AHCTF1: variants seen among roughly 807,000 people sequenced by gnomAD.
The protein encoded by AHCTF1 is protein ELYS.
In AHCTF1, 24 loss-of-function variants were observed where a neutral mutation model predicts 248.4. The ratio of observed to expected loss-of-function variants is 0.10; its 90% confidence interval spans 0.07 to 0.14. AHCTF1 has a LOEUF of 0.14. Ranked by LOEUF, AHCTF1 falls within the 10% of genes least tolerant of loss-of-function variation. The pLI is 1.00. For synonymous variants in AHCTF1, 786 were observed against 929.8 expected (o/e 0.85, Z 2.81); for missense variants, 2,206 against 2,636.2 (o/e 0.84, Z 3.57).
At position 246,851,524 on chromosome 1, in the gene AHCTF1, T is replaced by C. The variant is rs1436334794; in HGVS notation, c.4564-82A>G. On this transcript the variant is annotated intron_variant, in intron 32 of 35. Transcript: ENST00000648844. ...GAAGCACACAGGTTTTTGATGACCC[T>C]TGGCTGTGTGCCTTTTAAAACATAA... The C allele has an allele frequency of 7.1e-6, 9 of 1,263,902 alleles. No individual in the cohort carries two copies. The Admixed American group carries it at 2.2e-4, about 31-fold the overall frequency. 78.3% of individuals were successfully genotyped at this position (1,263,902 alleles called of 1,614,324 possible).
chr1:246,880,316 G>C (rs1422860871), intron 21 of AHCTF1, among the ~76,000 whole-genome samples: 1 of 151,726 alleles, frequency 6.6e-6, no homozygotes. Context: ...TGTAATCCCA[G>C]CACTTTGGGA....
Position 246,850,355 on chromosome 1 carries a change from C to T in AHCTF1, c.5651G>A (p.Ser1884Asn). The change falls in exon 33 of 36, where the codon AGT becomes AAT. Residue 1884 changes from serine to asparagine, a missense_variant. Coordinates refer to ENST00000648844, the MANE Select transcript of AHCTF1 (RefSeq NM_001323342.2). Reference sequence around the variant, plus strand: ...TTTTAGATCATTTATAATTTCAACACTTTCCTGATTTTCTACAGATCTTTT... The same window carrying T: ...TTTTAGATCATTTATAATTTCAACATTTTCCTGATTTTCTACAGATCTTTT... ...RIKRSVENQE[S>N]VEIINDLKVS... is the part of the protein sequence containing the mutation. The T allele has an allele frequency of 6.2e-7, 1 of 1,612,938 alleles. No individual in the cohort carries two copies. Among genetic ancestry groups the T allele is most frequent in the South Asian group, 1.1e-5 (1 of 90,874 alleles).
chr1:246,899,944 A>T, intron 10 of AHCTF1, 121 bp downstream of exon 10: 1 of 944,376 alleles, frequency 1.1e-6, no homozygotes, highest in Non-Finnish European at 1.6e-6. Flanking sequence ...TAAGTTATCC[A>T]TATGTTAACT....
intron 24 of AHCTF1, among the ~76,000 whole-genome samples, chr1:246,874,694 C>T (rs1018437614): frequency 6.6e-6 from 1 of 152,162 alleles, no homozygotes; most frequent in Non-Finnish European, 1.5e-5. Flanking sequence ...TACAGCTGGT[C>T]TTACTACAAT....
In AHCTF1 at chr1:246,839,575, T is replaced by G. The variant is rs989379954; in HGVS notation, c.*1231A>C. On this transcript the variant is annotated 3_prime_UTR_variant, in exon 36 of 36. Coordinates refer to ENST00000648844, the MANE Select transcript of AHCTF1 (RefSeq NM_001323342.2). The stretch of plus-strand genomic sequence containing the variant: ...CGCACTGCTTTCACACTGTCAACAC[T>G]TTGCGTAGGCATTTTCACCAATTTC... 3.0e-6 allele frequency: 3 copies of G among 985,752 alleles called. No individual in the cohort carries two copies. In the African/African-American group the frequency reaches 5.2e-5, roughly 17 times the overall value. 61.1% of individuals were successfully genotyped at this position (985,752 alleles called of 1,614,324 possible).
At chr1:246,930,494 C>T (rs1015013525) in intron 1 of AHCTF1, among the ~76,000 whole-genome samples, 3 of 151,916 alleles carry the variant, frequency 2.0e-5, no homozygotes, top group Admixed American at 2.0e-4. Context: ...CTGGGCTTGT[C>T]ATCCCAGGTC....
intron 8 of AHCTF1, among the ~76,000 whole-genome samples, chr1:246,902,017 AACTAGGATCCC>A (rs1558262803): frequency 6.6e-6 from 1 of 152,216 alleles, no homozygotes; most frequent in African/African-American, 2.4e-5. Context: ...CAAAAGGTCT[AACTAGGATCCC>A]ACTTACAGAT....
chr1:246,876,409 C>G lies in AHCTF1; in HGVS notation c.2938-222G>C, dbSNP rs61854017. ...CTCGCTACCAAGCCTTGATTCTTCA[C>G]AATTAATAAAAACAATGGTTATTAA... is the stretch of plus-strand genomic sequence containing the variant. On this transcript the variant is annotated intron_variant, in intron 23 of 35. Transcript: ENST00000648844. Among the ~76,000 whole-genome samples the G allele has an allele frequency of 6.9e-3, 1,051 of 152,286 alleles. 3 individuals carry two copies. The highest frequency in any genetic ancestry group is 0.012 in the Admixed American group (185 of 15,302).
intron 4 of AHCTF1, among the ~76,000 whole-genome samples, chr1:246,912,772 T>C (rs1015098663): frequency 1.3e-5 from 2 of 152,228 alleles, no homozygotes; most frequent in African/African-American, 4.8e-5. Context: ...TTAGTTACTG[T>C]TATTTCCTAA....
At position 246,890,976 on chromosome 1, in the gene AHCTF1, C is replaced by A; in HGVS notation, c.2030G>T (p.Gly677Val). 6.5e-7 allele frequency: 1 copy of A among 1,535,726 alleles called. No homozygotes were observed. The highest frequency in any genetic ancestry group is 8.7e-7 in the Non-Finnish European group (1 of 1,148,124). Residue 677 changes from glycine to valine, a missense_variant, in exon 16 of 36, where the codon GGG becomes GTG. Gly to Val is a moderately radical substitution (Grantham distance 109, BLOSUM62 -3). Transcript: ENST00000648844. ...AQVVLWFSHS[G>V]LLPEGIDDSV... ...TTTACCTATGCCTTCTGGTAAAAGC[C>A]CAGAATGAGAGAACCAAAGAACCAC...
rs1201409994 is a variant in AHCTF1 at position 246,851,391 on chromosome 1, T to C, written c.4615A>G (p.Asn1539Asp). Residue 1539 changes from asparagine (N) to aspartate (D), a missense_variant, in exon 33 of 36, where the codon AAT becomes GAT. This residue lies in a region of AHCTF1 where 955 missense variants were observed against 1,055.6 expected (regional missense o/e 0.90). Coordinates refer to ENST00000648844, the MANE Select transcript of AHCTF1 (RefSeq NM_001323342.2). ...EAQDSGEEAR[N>D]LSFNELYPSG... ...GGATATAACTCATTAAATGAAAGAT[T>C]CCTAGCCTCTTCTCCTGAATCTTGA... 1 of 1,613,380 alleles carries C rather than the reference T, an allele frequency of 6.2e-7. No homozygotes were observed. The highest frequency in any genetic ancestry group is 1.3e-5 in the African/African-American group (1 of 74,900).
intron 4 of AHCTF1, 90 bp downstream of exon 4, chr1:246,913,142 G>T: frequency 7.4e-6 from 8 of 1,078,832 alleles, no homozygotes; most frequent in South Asian, 4.4e-5. Context: ...TTTTACTCCA[G>T]CTGCTATAAA....
At chr1:246,911,038 C>G (rs920446670) in intron 4 of AHCTF1, among the ~76,000 whole-genome samples, 1 of 152,164 alleles carries the variant, frequency 6.6e-6, no homozygotes, top group African/African-American at 2.4e-5. Flanking sequence ...TTGCATTAAA[C>G]CCTAAAGCTT....
chr1:246,875,457 A>C (rs1246161658), intron 24 of AHCTF1, among the ~76,000 whole-genome samples: 2 of 152,250 alleles, frequency 1.3e-5, no homozygotes, highest in Non-Finnish European at 2.9e-5. Flanking sequence ...CATAAACTTA[A>C]GATGACAGGG....
chr1:246,929,589 T>C (rs990588652), intron 1 of AHCTF1, among the ~76,000 whole-genome samples: 3 of 152,180 alleles, frequency 2.0e-5, no homozygotes, highest in African/African-American at 2.4e-5. Flanking sequence ...GATTCTGGAA[T>C]AGCAAAAGCA....
At chr1:246,848,448 G>A (rs1008369786) in intron 33 of AHCTF1, among the ~76,000 whole-genome samples, 2 of 151,338 alleles carry the variant, frequency 1.3e-5, no homozygotes, top group Non-Finnish European at 2.9e-5. Context: ...TGATCCACCC[G>A]CCTTGGCCTC....
At chr1:246,909,075 A>G (rs993915807) in intron 4 of AHCTF1, among the ~76,000 whole-genome samples, 4 of 120,502 alleles carry the variant, frequency 3.3e-5, no homozygotes, top group African/African-American at 1.4e-4. Flanking sequence ...ATCTATATAT[A>G]TCTATATCTA....
At chr1:246,866,987 G>T (rs1662024681) in intron 26 of AHCTF1, among the ~76,000 whole-genome samples, 1 of 152,136 alleles carries the variant, frequency 6.6e-6, no homozygotes, top group Admixed American at 6.5e-5. Context: ...AGGAAAGTAA[G>T]TTAATAGTTT....
chr1:246,881,850 C>CAA lies in AHCTF1; in HGVS notation c.2660+3641_2660+3642dup, dbSNP rs943975884. The stretch of plus-strand genomic sequence containing the variant: ...AAGGCTCCGTCTCAAAAAAAAAAAC[C>CAA]AAAAAAAAAAACAAAAAAAAAAGAA... On this transcript the variant is annotated intron_variant, in intron 21 of 35. Coordinates refer to ENST00000648844, the MANE Select transcript of AHCTF1 (RefSeq NM_001323342.2). 2.2e-3 allele frequency among the ~76,000 whole-genome samples: 280 copies of CAA among 126,834 alleles called. 2 individuals are homozygous for CAA. Among genetic ancestry groups the CAA allele is most frequent in the African/African-American group, 5.3e-3 (182 of 34,056 alleles). 83.2% of individuals were successfully genotyped at this position (126,834 alleles called of 152,430 possible).
Sources: allele counts gnomAD v4.1 joint callset (sites outside exome capture counted in the v4.1 genomes callset), GRCh38; gene constraint gnomAD v4.1.1; regional missense constraint gnomAD v4.1.1; transcripts MANE v1.5; gene names NCBI Gene and HGNC (gene_info 2026-07-23, HGNC 2026-07-21).